Variants in C1orf87 observed in about 807,000 individuals in gnomAD.
C1orf87 encodes the protein chromosome 1 open reading frame 87, also known as uncharacterized protein C1orf87.
Under a neutral mutation model 60.5 loss-of-function variants are expected in C1orf87, and 58 were observed. The observed-to-expected ratio is 0.96, with a 90% CI of 0.78 to 1.19. The LOEUF is 1.19. Ranked by LOEUF, C1orf87 falls within the 50% of genes most tolerant of loss-of-function variation. C1orf87 has a pLI of 0.00. For missense variants in C1orf87, 673 were observed against 638.6 expected (o/e 1.05, Z -0.58); for synonymous variants, 236 against 227.4 (o/e 1.04, Z -0.34).
At chr1:60,032,957 C>T (rs1574311572) in intron 7 of C1orf87, among the ~76,000 whole-genome samples, 1 of 152,218 alleles carries the variant, frequency 6.6e-6, no homozygotes, top group East Asian at 1.9e-4. Flanking sequence ...CCAAAGAAGC[C>T]TTATGATGGG....
intron 8 of C1orf87, 152 bp downstream of exon 8, chr1:60,025,249 A>C (rs182296219): frequency 5.5e-6 from 3 of 548,378 alleles, no homozygotes; most frequent in African/African-American, 2.0e-5. Context: ...TAATTTCATC[A>C]TGGGGGTTTC....
intron 9 of C1orf87, among the ~76,000 whole-genome samples, chr1:60,007,190 G>A (rs544820686): frequency 1.3e-5 from 2 of 152,146 alleles, no homozygotes; most frequent in Non-Finnish European, 1.5e-5. Flanking sequence ...AGGACTATGG[G>A]TGTGAGCCAC....
intron 3 of C1orf87, among the ~76,000 whole-genome samples, chr1:60,052,043 T>A (rs983999379): frequency 1.2e-4 from 18 of 152,182 alleles, no homozygotes; most frequent in African/African-American, 4.3e-4. Context: ...TGTCTATTCA[T>A]CTATAAAATA....
intron 9 of C1orf87, 60 bp from the exon 10 acceptor site, chr1:60,001,216 C>T (rs2100242086): frequency 8.4e-7 from 1 of 1,185,848 alleles, no homozygotes. Flanking sequence ...ATTTAACACA[C>T]ACATATACAC....
rs1645416264 is a variant in C1orf87 at position 60,051,759 on chromosome 1, C to A, written c.342+3445G>T. Among the ~76,000 whole-genome samples, 4 of 152,082 alleles carry A rather than the reference C, an allele frequency of 2.6e-5. No homozygotes were observed. The South Asian group carries it at 8.3e-4, about 32-fold the overall frequency. ...CTCCCTGGTGAGACAAAATGGTGGT[C>A]TGATTAAGGTGATGACAAGGAAAAT... On this transcript the variant is annotated intron_variant, in intron 3 of 11. Coordinates refer to ENST00000371201, the MANE Select transcript of C1orf87 (RefSeq NM_152377.3).
intron 2 of C1orf87, among the ~76,000 whole-genome samples, chr1:60,055,866 C>A (rs1645451814): frequency 6.6e-6 from 1 of 151,562 alleles, no homozygotes; most frequent in African/African-American, 2.4e-5. Context: ...TCCTGGGAGC[C>A]TTTCATTTAA....
At chr1:60,007,884 G>A (rs1309897736) in intron 9 of C1orf87, among the ~76,000 whole-genome samples, 1 of 152,008 alleles carries the variant, frequency 6.6e-6, no homozygotes, top group East Asian at 1.9e-4. Flanking sequence ...GCATCTTTGA[G>A]TGCAGAGAGG....
At chr1:60,024,156 T>A (rs1353504390) in intron 8 of C1orf87, among the ~76,000 whole-genome samples, 2 of 152,216 alleles carry the variant, frequency 1.3e-5, no homozygotes, top group Non-Finnish European at 2.9e-5. Flanking sequence ...CCTGCTTCTT[T>A]TTGTGCTTAG....
At chr1:60,053,732 C>A (rs1404356316) in intron 3 of C1orf87, among the ~76,000 whole-genome samples, 2 of 151,876 alleles carry the variant, frequency 1.3e-5, no homozygotes, top group African/African-American at 4.8e-5. Flanking sequence ...TTATATTCTC[C>A]TGTTTTTCAA....
intron 2 of C1orf87, among the ~76,000 whole-genome samples, chr1:60,069,802 C>T (rs928926256): frequency 1.3e-5 from 2 of 152,106 alleles, no homozygotes; most frequent in Non-Finnish European, 2.9e-5. Flanking sequence ...GATATTCTAA[C>T]CCCCATACCT....
intron 2 of C1orf87, among the ~76,000 whole-genome samples, chr1:60,063,257 A>C (rs532631003): frequency 7.9e-5 from 12 of 152,306 alleles, no homozygotes; most frequent in Non-Finnish European, 1.6e-4. Flanking sequence ...GTTTCTAAAA[A>C]ATAATAAATG....
At chr1:60,048,416 G>T (rs545069688) in intron 3 of C1orf87, among the ~76,000 whole-genome samples, 1 of 152,204 alleles carries the variant, frequency 6.6e-6, no homozygotes, top group African/African-American at 2.4e-5. Context: ...TCTCATCTAA[G>T]CCACTCCTAG....
At chr1:60,047,092 A>G (rs1645377408) in intron 3 of C1orf87, among the ~76,000 whole-genome samples, 1 of 152,160 alleles carries the variant, frequency 6.6e-6, no homozygotes, top group South Asian at 2.1e-4. Flanking sequence ...CAAAATGGTG[A>G]AATTCTTATC....
intron 5 of C1orf87, among the ~76,000 whole-genome samples, chr1:60,038,570 A>C (rs1645295500): frequency 6.6e-6 from 1 of 152,176 alleles, no homozygotes; most frequent in African/African-American, 2.4e-5. Flanking sequence ...TAAGCCACAA[A>C]GATTTTGGGG....
chr1:60,058,444 A>G (rs1175412601), intron 2 of C1orf87, among the ~76,000 whole-genome samples: 1 of 152,248 alleles, frequency 6.6e-6, no homozygotes, highest in Non-Finnish European at 1.5e-5. Flanking sequence ...GCATATAAAT[A>G]AATGCCAAAT....
At chr1:60,008,793 T>A in intron 9 of C1orf87, 1 of 429,826 alleles carries the variant, frequency 2.3e-6, no homozygotes. Context: ...GAGATCCAAG[T>A]GCAGCCACCT....
chr1:60,016,699 G>A (rs1427601037), intron 8 of C1orf87, among the ~76,000 whole-genome samples: 1 of 152,198 alleles, frequency 6.6e-6, no homozygotes, highest in African/African-American at 2.4e-5. Flanking sequence ...TGAAGAGGTG[G>A]TAGAAGGGCT....
At chr1:60,065,772 G>A (rs1645541719) in intron 2 of C1orf87, among the ~76,000 whole-genome samples, 1 of 152,114 alleles carries the variant, frequency 6.6e-6, no homozygotes. Flanking sequence ...ATTCAAAAAT[G>A]ACAGAATATG....
Position 60,065,002 on chromosome 1 carries a change from T to TTAAATATATA in C1orf87, c.107+7525_107+7534dup, listed in dbSNP as rs1553130052. On this transcript the variant is annotated intron_variant, in intron 2 of 11. Coordinates refer to ENST00000371201, the MANE Select transcript of C1orf87 (RefSeq NM_152377.3). ...ATTTATTATAAAATACATATAAATATTAAATATATATTAAATATATATATT... is the reference window on the plus strand; with the variant it reads ...ATTTATTATAAAATACATATAAATATTAAATATATATAAATATATATTAAATATATATATT... Among the ~76,000 whole-genome samples the TTAAATATATA allele has an allele frequency of 5.7e-5, 3 of 53,010 alleles. 1 individual carries two copies. The highest frequency in any genetic ancestry group is 1.1e-4 in the Non-Finnish European group (3 of 28,472). 34.8% of individuals were successfully genotyped at this position (53,010 alleles called of 152,430 possible).
Sources: gnomAD v4.1 joint callset for allele counts (sites outside exome capture counted in the v4.1 genomes callset) on GRCh38, gnomAD v4.1.1 for gene constraint, MANE v1.5 for transcripts, NCBI Gene and HGNC (gene_info 2026-07-23, HGNC 2026-07-21) for gene names.